The following CFLAR variants were observed in gnomAD, a reference collection of about 807,000 sequenced individuals.
CFLAR encodes the protein CASP8 and FADD-like apoptosis regulator.
In CFLAR, 14 loss-of-function variants were observed where a neutral mutation model predicts 51.1. That is an observed-to-expected ratio of 0.27 (90% CI 0.18 to 0.43). The LOEUF (loss-of-function observed/expected upper bound fraction) is 0.43. CFLAR is among the 20% of genes least tolerant of loss of function. The pLI is 1.00. For missense variants in CFLAR, 390 were observed against 566.5 expected, an observed-to-expected ratio of 0.69 and a Z score of 3.16; for synonymous variants, 210 against 211.6, an observed-to-expected ratio of 0.99 and a Z score of 0.06.
At chr2:201,130,935 C>A in intron 2 of CFLAR, among the ~76,000 whole-genome samples, 1 of 152,200 alleles carries the variant, frequency 6.6e-6, no homozygotes, top group East Asian at 1.9e-4. Flanking sequence ...TCCATCATCC[C>A]TTCTGAATCC....
At position 201,163,955 on chromosome 2, in the gene CFLAR, T is replaced by C. The variant is rs763114574; in HGVS notation, c.1425T>C (p.Leu475=). The C allele has an allele frequency of 1.2e-6, 2 of 1,613,930 alleles. No homozygotes were observed. Among genetic ancestry groups the C allele is most frequent in the Non-Finnish European group, 1.7e-6 (2 of 1,179,936 alleles). The part of the protein sequence containing the change: ...VWLQHTLRKK[L]ILSYT ...TGCAGCACACTCTGAGAAAGAAACT[T>C]ATCCTCTCCTACACATAAGAAACCA... Residue 475 remains leucine, a synonymous_variant, in exon 10 of 10, where the codon CTT becomes CTC. Coordinates refer to ENST00000309955, the MANE Select transcript of CFLAR (RefSeq NM_003879.7).
intron 8 of CFLAR, chr2:201,154,172 A>G (rs1203272818): frequency 7.7e-6 from 2 of 260,100 alleles, no homozygotes; most frequent in South Asian, 3.1e-5. Flanking sequence ...GCTCACCGCA[A>G]TCTCCACCTC....
intron 8 of CFLAR, among the ~76,000 whole-genome samples, chr2:201,158,270 A>G (rs1942504856): frequency 6.6e-6 from 1 of 152,226 alleles, no homozygotes; most frequent in African/African-American, 2.4e-5. Flanking sequence ...GTCATGTGAC[A>G]GGGGCTTCCC....
At chr2:201,123,164 A>T (rs1172051179) in intron 1 of CFLAR, among the ~76,000 whole-genome samples, 2 of 152,190 alleles carry the variant, frequency 1.3e-5, no homozygotes, top group Non-Finnish European at 2.9e-5. Flanking sequence ...TTTGATTTAG[A>T]TGCTTTCTCA....
chr2:201,154,144 T>G (rs1941766283), intron 8 of CFLAR: 1 of 293,302 alleles, frequency 3.4e-6, no homozygotes, highest in Non-Finnish European at 6.8e-6. Flanking sequence ...CAGGTTGGAG[T>G]GCAATGGCGC....
At chr2:201,131,447 G>A (rs2125676464) in intron 2 of CFLAR, among the ~76,000 whole-genome samples, 1 of 152,272 alleles carries the variant, frequency 6.6e-6, no homozygotes, top group Non-Finnish European at 1.5e-5. Context: ...TGTTGGCCAG[G>A]CTGGTCTTGA....
In CFLAR at chr2:201,165,400, A is replaced by G. The variant is rs1943439480; in HGVS notation, c.*1427A>G. The G allele has an allele frequency of 6.6e-6, 1 of 151,526 alleles. No homozygotes were observed. Among genetic ancestry groups the G allele is most frequent in the African/African-American group, 2.4e-5 (1 of 41,214 alleles). The allele number at this position is 151,526 out of a possible 1,614,324, so 9.4% of individuals were successfully genotyped here. ...ATTCTCCTGCCTCAGCCTCCCGAGTAGCTGGGATTACAGGCTCCTGCCACC... is the reference window on the plus strand; with the variant it reads ...ATTCTCCTGCCTCAGCCTCCCGAGTGGCTGGGATTACAGGCTCCTGCCACC... On this transcript the variant is annotated 3_prime_UTR_variant, in exon 10 of 10. Coordinates refer to ENST00000309955, the MANE Select transcript of CFLAR (RefSeq NM_003879.7).
Position 201,138,243 on chromosome 2 carries a change from C to G in CFLAR, c.524-2114C>G. Reference sequence around the variant, plus strand: ...TACACCGAGTTCCCTTGGGACGAGTCCAAGCCTATGACATTGACGCCTACC... The same window carrying G: ...TACACCGAGTTCCCTTGGGACGAGTGCAAGCCTATGACATTGACGCCTACC... On this transcript the variant is annotated intron_variant, in intron 4 of 9. Transcript: ENST00000309955. This position sits in a 1 kb window ranked among gnomAD's most constrained non-coding sequence, Gnocchi z 4.0. The G allele has an allele frequency of 2.2e-6, 2 of 893,380 alleles. No individual in the cohort carries two copies. The highest frequency in any genetic ancestry group is 3.8e-6 in the Non-Finnish European group (2 of 526,936). 55.3% of individuals were successfully genotyped at this position (893,380 alleles called of 1,614,324 possible).
In CFLAR at chr2:201,165,244, A is replaced by C. The variant is rs538355526; in HGVS notation, c.*1271A>C. On this transcript the variant is annotated 3_prime_UTR_variant, in exon 10 of 10. Transcript: ENST00000309955. ...GTTTGAAATATCATTAGAGTTGCTT[A>C]TTATTATTATTATTATTATTATTAT... The C allele has an allele frequency of 0.17, 335 of 1,916 alleles. No homozygotes were observed. Among genetic ancestry groups the C allele is most frequent in the Middle Eastern group, 0.25 (1 of 4 alleles). 0.1% of individuals were successfully genotyped at this position (1,916 alleles called of 1,614,324 possible).
chr2:201,166,715 G>A lies in CFLAR; in HGVS notation c.*2742G>A, dbSNP rs562354855. ...TGGACGAGACTCTGCCCGCAATCCC[G>A]GCACCTCGGGAGGCCGAGGCTGGCA... On this transcript the variant is annotated 3_prime_UTR_variant, in exon 10 of 10. Coordinates refer to ENST00000309955, the MANE Select transcript of CFLAR (RefSeq NM_003879.7). 2.0e-4 allele frequency: 34 copies of A among 169,534 alleles called. No homozygotes were observed. Among genetic ancestry groups the A allele is most frequent in the Admixed American group, 3.2e-4 (5 of 15,514 alleles). The allele number at this position is 169,534 out of a possible 1,614,324, so 10.5% of individuals were successfully genotyped here.
At chr2:201,151,686 A>T (rs571476988) in intron 8 of CFLAR, among the ~76,000 whole-genome samples, 1 of 152,000 alleles carries the variant, frequency 6.6e-6, no homozygotes, top group African/African-American at 2.4e-5. Flanking sequence ...TTCATTCATC[A>T]GTAGATGTTG....
intron 5 of CFLAR, 51 bp from the exon 6 acceptor site, chr2:201,145,327 T>C (rs1016622677): frequency 9.4e-7 from 1 of 1,059,038 alleles, no homozygotes; most frequent in Non-Finnish European, 1.5e-6. Context: ...ATGTATAGTG[T>C]ACCTCTGAAA....
At chr2:201,135,934 C>A in intron 3 of CFLAR, 38 bp from the exon 4 acceptor site, 1 of 1,593,660 alleles carries the variant, frequency 6.3e-7, no homozygotes, top group Non-Finnish European at 8.5e-7. Flanking sequence ...GCCTAGCTAG[C>A]TCTATTGACA....
At chr2:201,130,177 G>A (rs1355683931) in intron 2 of CFLAR, 31 bp downstream of exon 2, 1 of 1,439,304 alleles carries the variant, frequency 6.9e-7, no homozygotes, top group Non-Finnish European at 9.3e-7. Context: ...GAGGCTGGGT[G>A]GGTGGGAGGG....
intron 8 of CFLAR, among the ~76,000 whole-genome samples, chr2:201,155,138 G>T (rs1941939785): frequency 6.6e-6 from 1 of 152,200 alleles, no homozygotes; most frequent in Non-Finnish European, 1.5e-5. Flanking sequence ...CTTTTATCTT[G>T]TTAGGAATAT....
chr2:201,137,522 C>T, intron 4 of CFLAR: 5 of 654,510 alleles, frequency 7.6e-6, no homozygotes, highest in Non-Finnish European at 1.1e-5. Flanking sequence ...GTCCTCAGTA[C>T]AGCCACTTCT....
rs2050394969 is a variant in CFLAR at position 201,138,135 on chromosome 2, C to T, written c.523+2028C>T. ...ACACCAGCGTCAATCAGGTTGTTGG[C>T]CTGGGCTGCTGTCACCACGTTCCCC... On this transcript the variant is annotated intron_variant, in intron 4 of 9. Transcript: ENST00000309955. This position sits in a 1 kb window ranked among gnomAD's most constrained non-coding sequence, Gnocchi z 4.0. 4 of 797,868 alleles carry T rather than the reference C, an allele frequency of 5.0e-6. No individual in the cohort carries two copies. The African/African-American group carries it at 5.0e-5, about 10-fold the overall frequency. 49.4% of individuals were successfully genotyped at this position (797,868 alleles called of 1,614,324 possible).
intron 8 of CFLAR, among the ~76,000 whole-genome samples, chr2:201,151,953 G>GCA (rs1392299637): frequency 6.6e-6 from 1 of 151,606 alleles, no homozygotes; most frequent in Admixed American, 6.6e-5. Context: ...GTGACCTTGG[G>GCA]CAATGTCCCT....
Position 201,138,327 on chromosome 2 carries a change from CCAG to C in CFLAR, c.524-2025_524-2023del, listed in dbSNP as rs1332354230. 1.6e-5 allele frequency: 12 copies of C among 770,890 alleles called. No individual in the cohort carries two copies. The highest frequency in any genetic ancestry group is 2.2e-5 in the Non-Finnish European group (9 of 417,226). 47.8% of individuals were successfully genotyped at this position (770,890 alleles called of 1,614,324 possible). ...TCATGGGTACCCACAGCTGCCCCGC[CCAG>C]CAGCTGCTCATGGGAATCCTTGGAG... On this transcript the variant is annotated intron_variant, in intron 4 of 9. Transcript: ENST00000309955. The surrounding 1 kb of genome is among the most constrained non-coding windows in gnomAD (Gnocchi z 4.0).
Sources: allele counts gnomAD v4.1 joint callset (sites outside exome capture counted in the v4.1 genomes callset), GRCh38; gene constraint gnomAD v4.1.1; non-coding constraint Gnocchi (gnomAD v3.1); transcripts MANE v1.5; gene names NCBI Gene and HGNC (gene_info 2026-07-23, HGNC 2026-07-21).